The following FHIT variants were observed in gnomAD, a reference collection of about 807,000 sequenced individuals.
The protein encoded by FHIT is bis(5'-adenosyl)-triphosphatase.
In FHIT, 19 loss-of-function variants were observed where a neutral mutation model predicts 17.9. That is an observed-to-expected ratio of 1.06 (90% confidence interval 0.74 to 1.56). The LOEUF is 1.56. Among genes scored for constraint, FHIT ranks in the 40% most tolerant of loss-of-function variants. The pLI, the probability that FHIT is intolerant of heterozygous loss-of-function variation, is 0.00. For missense variants in FHIT, 248 were observed against 189.2 expected (o/e 1.31, Z -1.82); for synonymous variants, 81 against 69.7 (o/e 1.16, Z -0.81).
In FHIT at chr3:61,151,241, G is replaced by A. The variant is rs554539882; in HGVS notation, c.-164+49376C>T. Among the ~76,000 whole-genome samples, 24 of 152,254 alleles carry A rather than the reference G, an allele frequency of 1.6e-4. No homozygotes were observed. In the South Asian group the frequency reaches 4.8e-3, roughly 30 times the overall value. ...AAATGTATGCATCAACATAAGACAT[G>A]ATTTCAAGATGAGAGGTATTCTTCC... On this transcript the variant is annotated intron_variant, in intron 2 of 9. Transcript: ENST00000492590.
In FHIT at chr3:60,926,206, C is replaced by A. The variant is rs577913500; in HGVS notation, c.-110-104195G>T. Among the ~76,000 whole-genome samples the A allele has an allele frequency of 6.6e-5, 10 of 152,278 alleles. No homozygotes were observed. In the South Asian group the frequency reaches 1.7e-3, roughly 25 times the overall value. ...GAACTCAGCTCTGCACCAAGTGGAC[C>A]TAACAGACATCTACAGAACTCTCCA... On this transcript the variant is annotated intron_variant, in intron 3 of 9. Coordinates refer to ENST00000492590, the MANE Select transcript of FHIT (RefSeq NM_002012.4).
At chr3:61,026,164 C>T (rs979080699) in intron 3 of FHIT, among the ~76,000 whole-genome samples, 7 of 152,176 alleles carry the variant, frequency 4.6e-5, no homozygotes, top group Admixed American at 2.0e-4. Context: ...CCCACCACTA[C>T]GCCCACTTCA....
At chr3:59,856,335 G>T (rs374239933) in intron 8 of FHIT, among the ~76,000 whole-genome samples, 8 of 151,998 alleles carry the variant, frequency 5.3e-5, no homozygotes, top group African/African-American at 1.9e-4. Context: ...TTTTTGCAAA[G>T]AAAACATCAC....
At chr3:60,304,101 G>A (rs189950668) in intron 5 of FHIT, among the ~76,000 whole-genome samples, 19 of 152,200 alleles carry the variant, frequency 1.2e-4, no homozygotes, top group Admixed American at 1.0e-3. Context: ...ACACACAGAT[G>A]TTCTAGAGCA....
intron 5 of FHIT, among the ~76,000 whole-genome samples, chr3:60,351,736 T>C (rs1208461954): frequency 2.6e-5 from 4 of 152,224 alleles, no homozygotes; most frequent in African/African-American, 9.6e-5. Flanking sequence ...GAGAATCTAA[T>C]AGTCTAGTAC....
In FHIT at chr3:60,825,919, T is replaced by C. The variant is rs1008339627; in HGVS notation, c.-110-3908A>G. Among the ~76,000 whole-genome samples, 5 of 151,842 alleles carry C rather than the reference T, an allele frequency of 3.3e-5. No individual in the cohort carries two copies. The East Asian group carries it at 9.7e-4, about 30-fold the overall frequency. ...GCAGGGGTACAGGCAGCAAAGAAAGTGGAGGGTGGAGGGAAGGACAGGACA... is the reference window on the plus strand; with the variant it reads ...GCAGGGGTACAGGCAGCAAAGAAAGCGGAGGGTGGAGGGAAGGACAGGACA... On this transcript the variant is annotated intron_variant, in intron 3 of 9. Coordinates refer to ENST00000492590, the MANE Select transcript of FHIT (RefSeq NM_002012.4).
chr3:60,335,315 T>A (rs1284099690), intron 5 of FHIT, among the ~76,000 whole-genome samples: 1 of 151,990 alleles, frequency 6.6e-6, no homozygotes, highest in African/African-American at 2.4e-5. Context: ...TCTAGAAAAA[T>A]TTTAAGCAGT....
chr3:60,785,610 C>A (rs782240942), intron 4 of FHIT, among the ~76,000 whole-genome samples: 1 of 152,126 alleles, frequency 6.6e-6, no homozygotes, highest in Non-Finnish European at 1.5e-5. Context: ...AGCTATTCCC[C>A]AGGCACAGGG....
At chr3:59,787,361 G>T (rs1225130390) in intron 8 of FHIT, among the ~76,000 whole-genome samples, 1 of 151,970 alleles carries the variant, frequency 6.6e-6, no homozygotes, top group Non-Finnish European at 1.5e-5. Context: ...AGCATTATTT[G>T]TTGGTTTTCA....
intron 5 of FHIT, among the ~76,000 whole-genome samples, chr3:60,166,774 A>T (rs1701193499): frequency 6.6e-6 from 1 of 152,170 alleles, no homozygotes; most frequent in Non-Finnish European, 1.5e-5. Flanking sequence ...CTCTTTCCCT[A>T]ACTAGATTTC....
At chr3:60,317,598 A>C (rs1709220915) in intron 5 of FHIT, among the ~76,000 whole-genome samples, 1 of 146,774 alleles carries the variant, frequency 6.8e-6, no homozygotes, top group Non-Finnish European at 1.5e-5. Flanking sequence ...TTATATAATC[A>C]TATAATATGT....
intron 5 of FHIT, among the ~76,000 whole-genome samples, chr3:60,093,668 G>A (rs1703822755): frequency 6.6e-6 from 1 of 152,174 alleles, no homozygotes; most frequent in African/African-American, 2.4e-5. Flanking sequence ...CAGATCAGCA[G>A]CAGCATTCAT....
intron 8 of FHIT, among the ~76,000 whole-genome samples, chr3:59,852,104 G>A (rs1701964715): frequency 6.6e-6 from 1 of 152,070 alleles, no homozygotes; most frequent in South Asian, 2.1e-4. Context: ...AAGGTATGGT[G>A]GAGTTCTGTT....
At chr3:60,860,339 G>GTATACATGAC (rs781882794) in intron 3 of FHIT, among the ~76,000 whole-genome samples, 1 of 26,724 alleles carries the variant, frequency 3.7e-5, no homozygotes, top group Non-Finnish European at 9.3e-5. Context: ...GTATACATGA[G>GTATACATGAC]ATACATCATA....
At chr3:60,469,787 G>C (rs1469572702) in intron 5 of FHIT, among the ~76,000 whole-genome samples, 1 of 152,082 alleles carries the variant, frequency 6.6e-6, no homozygotes, top group Non-Finnish European at 1.5e-5. Flanking sequence ...GCCTATCCTT[G>C]GGAAGGCTTT....
chr3:60,174,420 GT>G (rs1005691045), intron 5 of FHIT, among the ~76,000 whole-genome samples: 3 of 151,946 alleles, frequency 2.0e-5, no homozygotes, highest in African/African-American at 7.3e-5. Flanking sequence ...GATTTTGATT[GT>G]TTTGTTTTAT....
chr3:60,604,770 T>C (rs2038555422), intron 4 of FHIT, among the ~76,000 whole-genome samples: 1 of 152,166 alleles, frequency 6.6e-6, no homozygotes, highest in African/African-American at 2.4e-5. Context: ...TCACTTACTA[T>C]TGCCCAGGAA....
intron 5 of FHIT, among the ~76,000 whole-genome samples, chr3:60,532,267 A>T (rs1227355365): frequency 1.3e-5 from 2 of 152,196 alleles, no homozygotes; most frequent in Admixed American, 1.3e-4. Context: ...CAATGCAGAG[A>T]TCAATACACT....
At chr3:59,899,879 G>T (rs1041678413) in intron 8 of FHIT, among the ~76,000 whole-genome samples, 6 of 152,066 alleles carry the variant, frequency 3.9e-5, no homozygotes, top group Non-Finnish European at 8.8e-5. Context: ...ATCAGCTATT[G>T]CAGGCCTAGC....
Sources: allele counts gnomAD v4.1 joint callset (sites outside exome capture counted in the v4.1 genomes callset), GRCh38; gene constraint gnomAD v4.1.1; transcripts MANE v1.5; gene names NCBI Gene and HGNC (gene_info 2026-07-23, HGNC 2026-07-21).